Variants in MBD3 observed in about 807,000 individuals in gnomAD.
MBD3 encodes methyl-CpG binding domain protein 3.
A neutral mutation model predicts 31.2 loss-of-function variants in MBD3; 13 were observed. The ratio of observed to expected loss-of-function variants is 0.42; its 90% CI spans 0.27 to 0.66. MBD3 has a LOEUF of 0.66. Among genes scored for constraint, MBD3 ranks in the 30% least tolerant of loss-of-function variants. The pLI is 0.26. For missense variants in MBD3, 440 were observed against 426.5 expected, an observed-to-expected ratio of 1.03 and a Z score of -0.28; for synonymous variants, 223 against 187.4, an observed-to-expected ratio of 1.19 and a Z score of -1.55.
In MBD3 at chr19:1,592,548, G is replaced by C. The variant is rs1316544919; in HGVS notation, c.84C>G (p.Ala28=). 3 of 1,439,700 alleles carry C rather than the reference G, an allele frequency of 2.1e-6. No homozygotes were observed. Among genetic ancestry groups the C allele is most frequent in the South Asian group, 2.3e-5 (2 of 85,316 alleles). The allele number at this position is 1,439,700 out of a possible 1,614,324, so 89.2% of individuals were successfully genotyped here. A position where few individuals can be genotyped will look rare whatever the true frequency, so the allele number is the denominator to read the frequency against. The change falls in exon 1 of 7, where the codon GCC becomes GCG. Residue 28 remains alanine (A), a synonymous_variant. Transcript: ENST00000434436. The part of the protein sequence containing the change: ...EEVPRRSGLS[A]GHRDVFYYSP... ...TATAGTAAAAGACATCCCTGTGGCC[G>C]GCCGACAGCCCCGACCTTCTGGGCA... is the stretch of plus-strand genomic sequence containing the variant.
intron 4 of MBD3, 121 bp from the exon 5 acceptor site, chr19:1,581,390 C>G (rs570050337): frequency 1.0e-5 from 10 of 1,002,144 alleles, no homozygotes; most frequent in African/African-American, 3.2e-5. Context: ...GGAACCCCAA[C>G]TTGGGTTCCA....
chr19:1,583,648 A>G (rs1339601742), intron 3 of MBD3, among the ~76,000 whole-genome samples: 3 of 152,056 alleles, frequency 2.0e-5, no homozygotes, highest in Admixed American at 6.6e-5. Flanking sequence ...ACTTGAGGCC[A>G]GGAGCCTGAG....
intron 5 of MBD3, among the ~76,000 whole-genome samples, chr19:1,579,251 C>T (rs1024813870): frequency 1.3e-5 from 2 of 151,706 alleles, no homozygotes; most frequent in Middle Eastern, 3.2e-3. Flanking sequence ...CCGCAGCAGC[C>T]CCCACCCTCG....
intron 1 of MBD3, among the ~76,000 whole-genome samples, chr19:1,590,153 C>T (rs2060697091): frequency 6.6e-6 from 1 of 151,830 alleles, no homozygotes; most frequent in South Asian, 2.1e-4. Flanking sequence ...CAAAAATTAG[C>T]CGGGCATGGT....
chr19:1,574,976 C>T lies in MBD3; in HGVS notation c.*3188G>A, dbSNP rs538464190. On this transcript the variant is annotated 3_prime_UTR_variant, in exon 7 of 7. Transcript: ENST00000434436. ...CCCCTTAGCTGGTGTTGCTGAGACT[C>T]GGGAGCCCTGTGGTCCGTGTGGCTG... is the stretch of plus-strand genomic sequence containing the variant. The T allele has an allele frequency of 3.8e-5, 13 of 337,692 alleles. No individual in the cohort carries two copies. Among genetic ancestry groups the T allele is most frequent in the African/African-American group, 1.8e-4 (8 of 45,510 alleles). 20.9% of individuals were successfully genotyped at this position (337,692 alleles called of 1,614,324 possible).
intron 2 of MBD3, 108 bp from the exon 3 acceptor site, chr19:1,584,785 C>T (rs1434482178): frequency 1.7e-6 from 2 of 1,196,224 alleles, no homozygotes; most frequent in African/African-American, 1.6e-5. Context: ...CCCCTCGTGT[C>T]CCCCGCGCCC....
chr19:1,574,993 G>A lies in MBD3; in HGVS notation c.*3171C>T, dbSNP rs937109951. On this transcript the variant is annotated 3_prime_UTR_variant, in exon 7 of 7. Coordinates refer to ENST00000434436, the MANE Select transcript of MBD3 (RefSeq NM_001281453.2). The stretch of plus-strand genomic sequence containing the variant: ...CTGAGACTCGGGAGCCCTGTGGTCC[G>A]TGTGGCTGGGCCGAGGGCTGGGAGG... 6 of 352,688 alleles carry A rather than the reference G, an allele frequency of 1.7e-5. No homozygotes were observed. Among genetic ancestry groups the A allele is most frequent in the African/African-American group, 4.3e-5 (2 of 46,158 alleles). 21.8% of individuals were successfully genotyped at this position (352,688 alleles called of 1,614,324 possible).
Position 1,582,662 on chromosome 19 carries a change from C to T in MBD3, c.459G>A (p.Glu153=). ...LSGLNAFDIA[E]ELVKTMDLPK... ...GGAGGTCCATGGTCTTGACCAGCTC[C>T]TCAGCAATGTCGAAGGCGTTCAGGC... The change falls in exon 4 of 7, where the codon GAG becomes GAA. Residue 153 remains glutamate, a synonymous_variant. Transcript: ENST00000434436. 3.1e-6 allele frequency: 5 copies of T among 1,614,080 alleles called. No individual in the cohort carries two copies. The highest frequency in any genetic ancestry group is 4.2e-6 in the Non-Finnish European group (5 of 1,180,008).
intron 1 of MBD3, among the ~76,000 whole-genome samples, chr19:1,590,685 T>C (rs1378255814): frequency 6.6e-6 from 1 of 152,232 alleles, no homozygotes; most frequent in African/African-American, 2.4e-5. Flanking sequence ...TATGCCCATC[T>C]ATTGACACAA....
At chr19:1,584,928 T>C (rs1038595087) in intron 2 of MBD3, 127 bp downstream of exon 2, 3 of 1,357,908 alleles carry the variant, frequency 2.2e-6, no homozygotes, top group African/African-American at 2.9e-5. Flanking sequence ...TTCCGCTCTG[T>C]GCCCTCCGCC....
At chr19:1,592,258 T>G (rs1333216866) in intron 1 of MBD3, 1 of 155,468 alleles carries the variant, frequency 6.4e-6, no homozygotes, top group Non-Finnish European at 1.4e-5. Flanking sequence ...CAGGCGCCCC[T>G]GGCCCAGCGC....
At chr19:1,590,190 C>T (rs185657636) in intron 1 of MBD3, among the ~76,000 whole-genome samples, 204 of 152,162 alleles carry the variant, frequency 1.3e-3, no homozygotes, top group Middle Eastern at 6.8e-3. Context: ...CCCAGCTACT[C>T]GGGAGGCTGA....
chr19:1,580,368 G>T (rs924482735), intron 5 of MBD3, among the ~76,000 whole-genome samples: 6 of 152,120 alleles, frequency 3.9e-5, no homozygotes, highest in Admixed American at 3.9e-4. Context: ...TGTGCCCAGG[G>T]GCCTTTAACC....
intron 1 of MBD3, among the ~76,000 whole-genome samples, chr19:1,586,861 T>A (rs1312384689): frequency 6.6e-6 from 1 of 151,658 alleles, no homozygotes; most frequent in East Asian, 1.9e-4. Context: ...GAGACCAGGT[T>A]TCACTGTGTT....
chr19:1,582,751 G>A (rs767171715), intron 3 of MBD3, 39 bp from the exon 4 acceptor site: 51 of 1,560,696 alleles, frequency 3.3e-5, no homozygotes, highest in Non-Finnish European at 3.9e-5. Flanking sequence ...GAGTGGCCCT[G>A]CCCTCTCCCC....
chr19:1,585,449 G>C lies in MBD3; in HGVS notation c.111-235C>G. On this transcript the variant is annotated intron_variant, in intron 1 of 6. Coordinates refer to ENST00000434436, the MANE Select transcript of MBD3 (RefSeq NM_001281453.2). The surrounding 1 kb of genome is among the most constrained non-coding windows in gnomAD (Gnocchi z 4.1). ...CCCAGCACCCCACAACTGGCCCCTA[G>C]ATCTGGGCGCCAGCCAGACCCAGAG... 1.8e-6 allele frequency: 1 copy of C among 540,906 alleles called. No individual in the cohort carries two copies. The highest frequency in any genetic ancestry group is 3.3e-6 in the Non-Finnish European group (1 of 299,600). 33.5% of individuals were successfully genotyped at this position (540,906 alleles called of 1,614,324 possible).
chr19:1,578,391 C>G lies in MBD3; in HGVS notation c.825G>C (p.Glu275Asp), dbSNP rs200914699. 4.6e-5 allele frequency: 74 copies of G among 1,603,622 alleles called. No individual in the cohort carries two copies. The African/African-American group carries it at 8.5e-4, about 18-fold the overall frequency. ...GGTCGGGCTCCTCCTCCTCCTCCTC[C>G]TCGTCTTCCTCGTCGTCGTCCTCAG... The part of the protein sequence containing the change: ...ACAEDDDEED[E>D]EEEEEEPDPD... The change falls in exon 6 of 7, where the codon GAG becomes GAC. Residue 275 changes from glutamate (E) to aspartate (D), a missense_variant. Physicochemically the swap from Glu to Asp is conservative, Grantham distance 45. Around this residue, in one of 3 missense-constraint regions of MBD3, gnomAD observed 117 missense variants for 95.0 expected, o/e 1.23. Transcript: ENST00000434436. The surrounding 1 kb of genome is among the most constrained non-coding windows in gnomAD (Gnocchi z 6.1).
chr19:1,588,680 C>G lies in MBD3; in HGVS notation c.111-3466G>C, dbSNP rs572955048. On this transcript the variant is annotated intron_variant, in intron 1 of 6. Transcript: ENST00000434436. Reference sequence around the variant, plus strand: ...CCTATAGTCCCAGCTACTCGGGAGGCTGACGCAGAATTGGGTTGAACCCAG... The same window carrying G: ...CCTATAGTCCCAGCTACTCGGGAGGGTGACGCAGAATTGGGTTGAACCCAG... Among the ~76,000 whole-genome samples, 39 of 149,388 alleles carry G rather than the reference C, an allele frequency of 2.6e-4. No individual in the cohort carries two copies. In the South Asian group the frequency reaches 7.8e-3, roughly 30 times the overall value.
intron 1 of MBD3, among the ~76,000 whole-genome samples, chr19:1,590,612 G>C (rs1364564961): frequency 1.3e-5 from 2 of 150,930 alleles, no homozygotes; most frequent in Admixed American, 6.6e-5. Context: ...CTGTCTCAAA[G>C]AAAAAAAACA....
Sources: gnomAD v4.1 joint callset for allele counts (sites outside exome capture counted in the v4.1 genomes callset) on GRCh38, gnomAD v4.1.1 for gene constraint, gnomAD v4.1.1 regional missense constraint, Gnocchi (gnomAD v3.1) non-coding constraint, MANE v1.5 for transcripts, NCBI Gene and HGNC (gene_info 2026-07-23, HGNC 2026-07-21) for gene names.